LTBP1: variants seen among roughly 807,000 people sequenced by gnomAD.
The protein encoded by LTBP1 is latent transforming growth factor beta binding protein 1, also known as latent-transforming growth factor beta-binding protein 1.
Under a neutral mutation model 207.6 loss-of-function variants are expected in LTBP1, and 129 were observed. The ratio of observed to expected loss-of-function variants is 0.62; its 90% CI spans 0.54 to 0.72. The LOEUF (loss-of-function observed/expected upper bound fraction) is 0.72. Ranked by LOEUF, LTBP1 falls within the 30% of genes least tolerant of loss-of-function variation. The probability of loss-of-function intolerance (pLI) is 0.00; values close to 1 mark genes in which losing one functional copy is unlikely to be tolerated. For synonymous variants in LTBP1, 963 were observed against 833.7 expected, an observed-to-expected ratio of 1.16 and a Z score of -2.67; for missense variants, 2,281 against 2,217.2, an observed-to-expected ratio of 1.03 and a Z score of -0.58.
Position 33,231,704 on chromosome 2 carries a change from T to C in LTBP1, c.1876+9553T>C, listed in dbSNP as rs569520866. ...AAGCCTGCCTGGCTGGAGAAAAGAATGTGTCTTGTAGCATAGTGCTGGATT... is the reference window on the plus strand; with the variant it reads ...AAGCCTGCCTGGCTGGAGAAAAGAACGTGTCTTGTAGCATAGTGCTGGATT... On this transcript the variant is annotated intron_variant, in intron 9 of 33. Coordinates refer to ENST00000404816, the MANE Select transcript of LTBP1 (RefSeq NM_206943.4). Among the ~76,000 whole-genome samples the C allele has an allele frequency of 3.3e-5, 5 of 151,952 alleles. No individual in the cohort carries two copies. The East Asian group carries it at 7.7e-4, about 24-fold the overall frequency.
At chr2:33,173,557 G>C (rs1296670651) in intron 5 of LTBP1, among the ~76,000 whole-genome samples, 1 of 151,972 alleles carries the variant, frequency 6.6e-6, no homozygotes, top group African/African-American at 2.4e-5. Flanking sequence ...TGGATTCACA[G>C]CCGAATTCTA....
intron 26 of LTBP1, among the ~76,000 whole-genome samples, chr2:33,355,003 C>T (rs568182065): frequency 2.6e-5 from 4 of 152,108 alleles, no homozygotes; most frequent in Non-Finnish European, 4.4e-5. Flanking sequence ...CACACTGTTG[C>T]ATTAGAAATG....
At chr2:32,969,599 T>C (rs182920065) in intron 2 of LTBP1, among the ~76,000 whole-genome samples, 5 of 152,318 alleles carry the variant, frequency 3.3e-5, no homozygotes, top group Non-Finnish European at 5.9e-5. Context: ...GCAAAGGACA[T>C]GATCTCATTC....
intron 2 of LTBP1, among the ~76,000 whole-genome samples, chr2:32,974,702 T>C (rs951914546): frequency 1.3e-5 from 2 of 152,212 alleles, no homozygotes; most frequent in African/African-American, 4.8e-5. Flanking sequence ...CAATCTCTGC[T>C]TCTTTTTGTT....
intron 32 of LTBP1, among the ~76,000 whole-genome samples, chr2:33,393,910 A>T (rs1004244993): frequency 6.6e-6 from 1 of 152,060 alleles, no homozygotes; most frequent in Non-Finnish European, 1.5e-5. Flanking sequence ...TCCCACCAAC[A>T]GTGTAAAAGT....
chr2:33,112,222 C>G (rs993288977), intron 4 of LTBP1, among the ~76,000 whole-genome samples: 2 of 152,138 alleles, frequency 1.3e-5, no homozygotes, highest in African/African-American at 4.8e-5. Flanking sequence ...AGACTAGAGA[C>G]TAGACTGTGG....
At chr2:32,996,296 G>A (rs1572995475) in intron 2 of LTBP1, among the ~76,000 whole-genome samples, 2 of 152,166 alleles carry the variant, frequency 1.3e-5, no homozygotes, top group Non-Finnish European at 2.9e-5. Context: ...TTCACGTGGT[G>A]GAAGGGGCAA....
chr2:33,025,027 C>T (rs1573158970), intron 3 of LTBP1, among the ~76,000 whole-genome samples: 1 of 151,880 alleles, frequency 6.6e-6, no homozygotes, highest in African/African-American at 2.4e-5. Context: ...CACTTCCTCT[C>T]TATGTGGACC....
At chr2:32,999,198 C>T (rs34920948) in intron 2 of LTBP1, among the ~76,000 whole-genome samples, 11 of 152,290 alleles carry the variant, frequency 7.2e-5, no homozygotes, top group Non-Finnish European at 8.8e-5. Context: ...GCAGGGTTTC[C>T]GGCCCCACCT....
At chr2:33,021,934 T>C (rs1417664888) in intron 3 of LTBP1, among the ~76,000 whole-genome samples, 1 of 152,232 alleles carries the variant, frequency 6.6e-6, no homozygotes, top group Non-Finnish European at 1.5e-5. Context: ...CTCCTCTTAA[T>C]GAGCTATTCT....
intron 2 of LTBP1, among the ~76,000 whole-genome samples, chr2:32,964,014 G>C (rs1276562110): frequency 6.6e-6 from 1 of 152,220 alleles, no homozygotes; most frequent in Non-Finnish European, 1.5e-5. Flanking sequence ...TAATTTGAAA[G>C]TGAAATGAAG....
At chr2:33,376,563 CCTT>C (rs2095142200) in intron 31 of LTBP1, among the ~76,000 whole-genome samples, 2 of 152,202 alleles carry the variant, frequency 1.3e-5, no homozygotes. Context: ...ATGCGGAGCA[CCTT>C]CTTGCTTCCG....
At position 32,947,626 on chromosome 2, in the gene LTBP1, C is replaced by T. The variant is rs1442897226; in HGVS notation, c.302C>T (p.Pro101Leu). The T allele has an allele frequency of 4.5e-6, 6 of 1,335,342 alleles. No individual in the cohort carries two copies. The East Asian group carries it at 1.3e-4, about 28-fold the overall frequency. 82.7% of individuals were successfully genotyped at this position (1,335,342 alleles called of 1,614,324 possible). Residue 101 changes from proline to leucine, a missense_variant, in exon 1 of 34, where the codon CCG becomes CTG. This residue lies in a region of LTBP1 where 555 missense variants were observed against 491.0 expected (regional missense o/e 1.13). Coordinates refer to ENST00000404816, the MANE Select transcript of LTBP1 (RefSeq NM_206943.4). ...GGAALQGLRP[P>L]PPPPPEPARP... Reference sequence around the variant, plus strand: ...GCGGCCCTGCAGGGGCTCAGACCGCCGCCGCCGCCGCCGCCGGAGCCTGCG... The same window carrying T: ...GCGGCCCTGCAGGGGCTCAGACCGCTGCCGCCGCCGCCGCCGGAGCCTGCG...
chr2:33,172,449 G>T (rs1169312930), intron 5 of LTBP1, among the ~76,000 whole-genome samples: 2 of 152,142 alleles, frequency 1.3e-5, no homozygotes, highest in Non-Finnish European at 2.9e-5. Flanking sequence ...AAAAAGAAGA[G>T]CTAACTATCC....
chr2:33,176,339 C>G (rs1037898080), intron 5 of LTBP1, among the ~76,000 whole-genome samples: 1 of 152,102 alleles, frequency 6.6e-6, no homozygotes, highest in African/African-American at 2.4e-5. Context: ...CATTCTCCTG[C>G]CTCAGCCTTC....
intron 3 of LTBP1, among the ~76,000 whole-genome samples, chr2:33,022,435 A>C (rs1489226350): frequency 6.6e-6 from 1 of 152,190 alleles, no homozygotes; most frequent in Non-Finnish European, 1.5e-5. Context: ...AGATAGGTAT[A>C]GCTAATACTT....
chr2:33,149,237 A>AAC (rs2083314489), intron 5 of LTBP1, among the ~76,000 whole-genome samples: 1 of 142,814 alleles, frequency 7.0e-6, no homozygotes, highest in African/African-American at 2.5e-5. Context: ...ACAAAAAAAA[A>AAC]AAAAAAAAAA....
chr2:32,953,454 C>T (rs1190029679), intron 2 of LTBP1, among the ~76,000 whole-genome samples: 5 of 152,234 alleles, frequency 3.3e-5, no homozygotes, highest in Admixed American at 3.3e-4. Context: ...CCCCGGCCCC[C>T]ATGTGGGAGG....
intron 18 of LTBP1, 86 bp from the exon 19 acceptor site, chr2:33,279,953 C>A: frequency 2.1e-6 from 3 of 1,435,462 alleles, no homozygotes; most frequent in Non-Finnish European, 2.9e-6. Flanking sequence ...ATATAACATG[C>A]TTTCCCCCGC....
Sources: gnomAD v4.1 joint callset for allele counts (sites outside exome capture counted in the v4.1 genomes callset) on GRCh38, gnomAD v4.1.1 for gene constraint, gnomAD v4.1.1 regional missense constraint, MANE v1.5 for transcripts, NCBI Gene and HGNC (gene_info 2026-07-23, HGNC 2026-07-21) for gene names.